MUC12: variants seen among roughly 807,000 people sequenced by gnomAD.
MUC12 encodes mucin-12.
MUC12 carries 172 observed loss-of-function variants against 230.8 expected under a neutral mutation model. The ratio of observed to expected loss-of-function variants is 0.75; its 90% confidence interval spans 0.66 to 0.85. MUC12 has a LOEUF of 0.85. Ranked by LOEUF, MUC12 falls within the 40% of genes least tolerant of loss-of-function variation. The probability of loss-of-function intolerance (pLI) is 0.00; values close to 1 mark genes in which losing one functional copy is unlikely to be tolerated. For missense variants in MUC12, 3,506 were observed against 5,920.6 expected (o/e 0.59, Z 13.38); for synonymous variants, 1,259 against 2,401.9 (o/e 0.52, Z 13.91).
rs773541908 is a variant in MUC12, at chr7:100,993,872, C to T, written c.3309C>T (p.Thr1103=). ...CAGGCCTCAGTGAGGCATCTACCAC[C>T]TTCTACAGCAGCCCCAGATCACCAA... ...TTPGLSEAST[T]FYSSPRSPTT... The change falls in exon 2 of 12, where the codon ACC becomes ACT. Residue 1103 remains threonine (T), a synonymous_variant. Transcript: ENST00000536621. The T allele has an allele frequency of 2.7e-6, 4 of 1,491,582 alleles. No homozygotes were observed. Among genetic ancestry groups the T allele is most frequent in the East Asian group, 5.1e-5 (2 of 38,998 alleles). The allele number at this position is 1,491,582 out of a possible 1,614,324, so 92.4% of individuals were successfully genotyped here. A position where few individuals can be genotyped will look rare whatever the true frequency, so the allele number is the denominator to read the frequency against.
At position 101,004,648 on chromosome 7, in the gene MUC12, C is replaced by G. The variant is rs1443946976; in HGVS notation, c.14085C>G (p.Ile4695Met). The G allele has an allele frequency of 2.6e-6, 4 of 1,537,344 alleles. No homozygotes were observed. The highest frequency in any genetic ancestry group is 1.2e-5 in the South Asian group (1 of 84,024). The change falls in exon 2 of 12, where the codon ATC (isoleucine) becomes ATG (methionine). Residue 4695 changes from isoleucine (I) to methionine (M), a missense_variant. Coordinates refer to ENST00000536621, the MANE Select transcript of MUC12 (RefSeq NM_001164462.2). ...ASHSSPDTNGITPLPAHFTTS... is the reference protein window; with the variant it reads ...ASHSSPDTNGMTPLPAHFTTS... ...ACAGCAGCCCAGATACAAATGGAAT[C>G]ACACCCTTACCTGCCCATTTTACTA... is the stretch of plus-strand genomic sequence containing the variant.
intron 3 of MUC12, among the ~76,000 whole-genome samples, chr7:101,006,850 T>C (rs1014400162): frequency 8.5e-5 from 13 of 152,208 alleles, no homozygotes; most frequent in African/African-American, 2.9e-4. Context: ...GATGTTTTGT[T>C]ACAGGAATGC....
intron 1 of MUC12, among the ~76,000 whole-genome samples, chr7:100,971,243 C>T (rs1293497685): frequency 1.3e-5 from 2 of 152,268 alleles, no homozygotes; most frequent in Non-Finnish European, 2.9e-5. Context: ...GGGGTCCTTG[C>T]TCAGCCTGGT....
chr7:100,993,817 TAAC>T lies in MUC12; in HGVS notation c.3258_3260del (p.Thr1087del), dbSNP rs1305737192. 1.4e-6 allele frequency: 2 copies of T among 1,466,222 alleles called. No individual in the cohort carries two copies. Among genetic ancestry groups the T allele is most frequent in the East Asian group, 5.2e-5 (2 of 38,656 alleles). 90.8% of individuals were successfully genotyped at this position (1,466,222 alleles called of 1,614,324 possible). ...CGCATCAGTCCAGGCTCAACTGAAATAACAACGTTACCTGGCAGTACCACAACA... is the reference window on the plus strand; with the variant it reads ...CGCATCAGTCCAGGCTCAACTGAAATAACGTTACCTGGCAGTACCACAACA... On this transcript the variant is annotated inframe_deletion, in exon 2 of 12. Coordinates refer to ENST00000536621, the MANE Select transcript of MUC12 (RefSeq NM_001164462.2).
chr7:100,980,328 C>T (rs180907752), intron 1 of MUC12, among the ~76,000 whole-genome samples: 3 of 152,288 alleles, frequency 2.0e-5, no homozygotes, highest in African/African-American at 7.2e-5. Context: ...AGGCGTGAGC[C>T]ACCATGCCCA....
intron 1 of MUC12, among the ~76,000 whole-genome samples, chr7:100,969,973 C>CG (rs1437297940): frequency 6.6e-6 from 1 of 152,310 alleles, no homozygotes; most frequent in Admixed American, 6.5e-5. Flanking sequence ...AGGCTCCCCC[C>CG]GGGAGGATGA....
rs1793282423 is a variant in MUC12 at position 100,991,070 on chromosome 7, C to G, written c.507C>G (p.His169Gln). The G allele has an allele frequency of 6.5e-7, 1 of 1,537,694 alleles. No homozygotes were observed. Among genetic ancestry groups the G allele is most frequent in the Non-Finnish European group, 8.7e-7 (1 of 1,146,866 alleles). The change falls in exon 2 of 12, where the codon CAC becomes CAG. Residue 169 changes from histidine to glutamine, a missense_variant. Transcript: ENST00000536621. ...SGVSEKSTTS[H>Q]SRPGPTHTIA... The stretch of plus-strand genomic sequence containing the variant: ...TCAGTGAAAAATCAACCACCTCCCA[C>G]AGCCGACCAGGCCCAACGCACACAA...
At position 101,004,652 on chromosome 7, in the gene MUC12, C is replaced by T. The variant is rs1311886597; in HGVS notation, c.14089C>T (p.Pro4697Ser). 6.5e-7 allele frequency: 1 copy of T among 1,537,428 alleles called. No individual in the cohort carries two copies. The highest frequency in any genetic ancestry group is 8.7e-7 in the Non-Finnish European group (1 of 1,146,646). Residue 4697 changes from proline (P) to serine (S), a missense_variant, in exon 2 of 12, where the codon CCC becomes TCC. Coordinates refer to ENST00000536621, the MANE Select transcript of MUC12 (RefSeq NM_001164462.2). The part of the protein sequence containing the change: ...HSSPDTNGIT[P>S]LPAHFTTSGR... ...CAGCCCAGATACAAATGGAATCACA[C>T]CCTTACCTGCCCATTTTACTACCTC...
In MUC12 at chr7:100,993,136, C is replaced by A. The variant is rs1412474967; in HGVS notation, c.2573C>A (p.Pro858Gln). The A allele has an allele frequency of 6.7e-7, 1 of 1,488,042 alleles. No individual in the cohort carries two copies. Among genetic ancestry groups the A allele is most frequent in the East Asian group, 2.5e-5 (1 of 39,762 alleles). The allele number at this position is 1,488,042 out of a possible 1,614,324, so 92.2% of individuals were successfully genotyped here. A position where few individuals can be genotyped will look rare whatever the true frequency, so the allele number is the denominator to read the frequency against. Reference protein sequence around the residue: ...SEESTTSRSRPGSTHTTAFPD... With the variant: ...SEESTTSRSRQGSTHTTAFPD... The stretch of plus-strand genomic sequence containing the variant: ...GAATCCACCACCTCCCGCAGCCGAC[C>A]AGGCTCAACGCACACAACAGCATTC... Residue 858 changes from proline (P) to glutamine (Q), a missense_variant, in exon 2 of 12, where the codon CCA becomes CAA. By Grantham distance (76) the Pro-to-Gln change is moderately conservative. Transcript: ENST00000536621.
chr7:100,991,479 C>T lies in MUC12; in HGVS notation c.916C>T (p.His306Tyr). 6.5e-7 allele frequency: 1 copy of T among 1,537,456 alleles called. No homozygotes were observed. Among genetic ancestry groups the T allele is most frequent in the Non-Finnish European group, 8.7e-7 (1 of 1,146,738 alleles). Residue 306 changes from histidine to tyrosine, a missense_variant, in exon 2 of 12, where the codon CAC becomes TAC. His to Tyr is a moderately conservative substitution (Grantham distance 83). Coordinates refer to ENST00000536621, the MANE Select transcript of MUC12 (RefSeq NM_001164462.2). Reference protein sequence around the residue: ...SAFVKLSTTYHSSPSSTPTTH... With the variant: ...SAFVKLSTTYYSSPSSTPTTH... ...CTTTGTTAAACTATCTACAACTTAT[C>T]ACAGCAGCCCGAGCTCAACTCCAAC...
rs1562794777 is a variant in MUC12, at chr7:101,013,147, G to GT, written c.15638+6dup. On this transcript the variant is annotated splice_donor_region_variant and intron_variant, in intron 8 of 11. Coordinates refer to ENST00000536621, the MANE Select transcript of MUC12 (RefSeq NM_001164462.2). ...ACGCAGTGGCCCCCGCTGCCTGTGAGTGTCCCCATAAGCCCAGCACCCACT... is the reference window on the plus strand; with the variant it reads ...ACGCAGTGGCCCCCGCTGCCTGTGAGTTGTCCCCATAAGCCCAGCACCCACT... 4 of 1,537,224 alleles carry GT rather than the reference G, an allele frequency of 2.6e-6. No homozygotes were observed. Among genetic ancestry groups the GT allele is most frequent in the Non-Finnish European group, 3.5e-6 (4 of 1,146,892 alleles).
chr7:100,976,799 C>T (rs1284377223), intron 1 of MUC12, among the ~76,000 whole-genome samples: 1 of 151,720 alleles, frequency 6.6e-6, no homozygotes, highest in African/African-American at 2.4e-5. Context: ...GCCTGTAATC[C>T]CAACACTTTG....
chr7:101,005,224 C>T lies in MUC12; in HGVS notation c.14661C>T (p.Phe4887=). 1.3e-6 allele frequency: 2 copies of T among 1,537,920 alleles called. No homozygotes were observed. The highest frequency in any genetic ancestry group is 1.7e-6 in the Non-Finnish European group (2 of 1,147,060). The stretch of plus-strand genomic sequence containing the variant: ...CACCCTTCCCTGACAGCCCAGGCTT[C>T]ACTCACACAGTGTTACCTGCCACCC... The part of the protein sequence containing the change: ...QSTPFPDSPG[F]THTVLPATLT... The change falls in exon 2 of 12, where the codon TTC becomes TTT. Residue 4887 remains phenylalanine, a synonymous_variant. Coordinates refer to ENST00000536621, the MANE Select transcript of MUC12 (RefSeq NM_001164462.2).
In MUC12 at chr7:100,990,857, C is replaced by A. The variant is rs1200497367; in HGVS notation, c.294C>A (p.Ser98=). 3.9e-6 allele frequency: 6 copies of A among 1,537,712 alleles called. No homozygotes were observed. In the African/African-American group the frequency reaches 8.2e-5, roughly 21 times the overall value. Residue 98 remains serine, a synonymous_variant, in exon 2 of 12, where the codon TCC becomes TCA. Coordinates refer to ENST00000536621, the MANE Select transcript of MUC12 (RefSeq NM_001164462.2). ...PGATGTTLFP[S]HSATSVFVGE... ...CAACTGGAACAACACTCTTCCCTTC[C>A]CACTCTGCAACCTCAGTTTTTGTTG...
chr7:100,982,775 G>A (rs568881370), intron 1 of MUC12, among the ~76,000 whole-genome samples: 42 of 151,810 alleles, frequency 2.8e-4, no homozygotes, highest in Non-Finnish European at 3.8e-4. Flanking sequence ...TGTTACCCAA[G>A]CTGGAGTGCA....
intron 1 of MUC12, among the ~76,000 whole-genome samples, chr7:100,977,970 C>T (rs1793057666): frequency 1.3e-5 from 2 of 152,134 alleles, no homozygotes; most frequent in Non-Finnish European, 2.9e-5. Flanking sequence ...GTACGTCACA[C>T]CTCTCTCTCT....
Position 100,992,042 on chromosome 7 carries a change from T to A in MUC12, c.1479T>A (p.Ser493=), listed in dbSNP as rs1293134352. The A allele has an allele frequency of 2.6e-6, 4 of 1,537,860 alleles. No individual in the cohort carries two copies. Among genetic ancestry groups the A allele is most frequent in the Non-Finnish European group, 2.6e-6 (3 of 1,147,080 alleles). The part of the protein sequence containing the change: ...STTKPGLSEK[S]TTFYSSPRSP... ...CAAAACCAGGCCTCAGTGAGAAATC[T>A]ACCACTTTCTACAGTAGCCCCAGAT... The change falls in exon 2 of 12, where the codon TCT becomes TCA. Residue 493 remains serine (S), a synonymous_variant. Coordinates refer to ENST00000536621, the MANE Select transcript of MUC12 (RefSeq NM_001164462.2).
chr7:101,008,734 G>A lies in MUC12; in HGVS notation c.15159G>A (p.Gln5053=), dbSNP rs1793794989. ...KMNDASSQEY[Q]NFSTLFKNRM... ...ATGACGCATCCTCCCAGGAATACCA[G>A]AACTTCAGTACCCTCTTCAAGAATC... Residue 5053 remains glutamine, a synonymous_variant, in exon 4 of 12, where the codon CAG becomes CAA. Coordinates refer to ENST00000536621, the MANE Select transcript of MUC12 (RefSeq NM_001164462.2). 3 of 1,537,222 alleles carry A rather than the reference G, an allele frequency of 2.0e-6. No homozygotes were observed. In the South Asian group the frequency reaches 3.6e-5, roughly 18 times the overall value.
chr7:101,015,721 C>T (rs768401834), intron 10 of MUC12, 30 bp downstream of exon 10: 1 of 1,524,720 alleles, frequency 6.6e-7, no homozygotes, highest in African/African-American at 1.4e-5. Context: ...AGGAGATGAG[C>T]AGAGCTGGAG....
Sources: allele counts gnomAD v4.1 joint callset (sites outside exome capture counted in the v4.1 genomes callset), GRCh38; gene constraint gnomAD v4.1.1; transcripts MANE v1.5; gene names NCBI Gene and HGNC (gene_info 2026-07-23, HGNC 2026-07-21).